The following ESCO1 variants were observed in gnomAD, a reference collection of about 807,000 sequenced individuals.
ESCO1 encodes establishment of sister chromatid cohesion N-acetyltransferase 1.
ESCO1 carries 33 observed loss-of-function variants against 83.5 expected under a neutral mutation model. The observed-to-expected ratio is 0.40, with a 90% CI of 0.30 to 0.53. ESCO1 has a LOEUF of 0.53. Ranked by LOEUF, ESCO1 falls within the 20% of genes least tolerant of loss-of-function variation. The pLI is 0.63. For synonymous variants in ESCO1, 332 were observed against 324.3 expected, an observed-to-expected ratio of 1.02 and a Z score of -0.25; for missense variants, 855 against 968.0, an observed-to-expected ratio of 0.88 and a Z score of 1.55.
At chr18:21,579,797 C>T (rs1324899674) in intron 2 of ESCO1, among the ~76,000 whole-genome samples, 1,875 of 10,550 alleles carry the variant, frequency 0.18, 75 homozygotes, top group African/African-American at 0.24. Context: ...CGCGCGCGCA[C>T]ACACACACAC....
At chr18:21,593,604 A>AGGGAGAGGGAGAGGGAGG (rs2038717038) in intron 1 of ESCO1, 2 of 94,602 alleles carry the variant, frequency 2.1e-5, no homozygotes, top group African/African-American at 7.9e-5. Flanking sequence ...CCGTAGGGAG[A>AGGGAGAGGGAGAGGGAGG]GGGAGAGGGA....
intron 4 of ESCO1, among the ~76,000 whole-genome samples, chr18:21,571,779 A>G (rs1040292199): frequency 2.6e-5 from 4 of 152,206 alleles, no homozygotes; most frequent in African/African-American, 9.6e-5. Context: ...ATCTCTGCAC[A>G]AAGCCACAAC....
At chr18:21,550,840 T>G (rs2038036034) in intron 8 of ESCO1, among the ~76,000 whole-genome samples, 1 of 151,960 alleles carries the variant, frequency 6.6e-6, no homozygotes, top group African/African-American at 2.4e-5. Flanking sequence ...TGGCCGGGCG[T>G]GGTGGCTCAC....
intron 1 of ESCO1, among the ~76,000 whole-genome samples, chr18:21,593,930 A>G (rs1244749225): frequency 6.6e-6 from 1 of 152,044 alleles, no homozygotes; most frequent in East Asian, 1.9e-4. Context: ...GCCAATATCT[A>G]GTCACTATAA....
intron 5 of ESCO1, 53 bp from the exon 6 acceptor site, chr18:21,566,259 C>T: frequency 6.7e-7 from 1 of 1,491,788 alleles, no homozygotes; most frequent in Non-Finnish European, 9.2e-7. Context: ...ACTAGTTTTC[C>T]ATCTAATGGA....
intron 4 of ESCO1, among the ~76,000 whole-genome samples, chr18:21,568,491 C>T (rs933244694): frequency 6.6e-6 from 1 of 152,024 alleles, no homozygotes. Flanking sequence ...TTCCAAGTTT[C>T]GTCTGTCTAG....
chr18:21,553,749 C>T (rs1302682404), intron 8 of ESCO1, among the ~76,000 whole-genome samples: 6 of 151,168 alleles, frequency 4.0e-5, no homozygotes, highest in East Asian at 2.0e-4. Context: ...CCCAGCTACT[C>T]GGGAGGCTGA....
At chr18:21,586,011 T>A (rs536285528) in intron 1 of ESCO1, among the ~76,000 whole-genome samples, 7 of 152,214 alleles carry the variant, frequency 4.6e-5, no homozygotes, top group Non-Finnish European at 1.0e-4. Context: ...GGATAATTCA[T>A]CACCTCAAAC....
chr18:21,550,129 G>C (rs2038027352), intron 8 of ESCO1, among the ~76,000 whole-genome samples: 1 of 152,176 alleles, frequency 6.6e-6, no homozygotes, highest in African/African-American at 2.4e-5. Flanking sequence ...TAAGTGAGCA[G>C]AGACCAGTAG....
chr18:21,562,259 C>T (rs979371229), intron 7 of ESCO1, among the ~76,000 whole-genome samples: 2 of 151,856 alleles, frequency 1.3e-5, no homozygotes, highest in Admixed American at 6.6e-5. Flanking sequence ...CTCTGGATCA[C>T]GAGGTCAGGA....
At chr18:21,588,237 C>G (rs973402512) in intron 1 of ESCO1, among the ~76,000 whole-genome samples, 1 of 151,766 alleles carries the variant, frequency 6.6e-6, no homozygotes, top group Non-Finnish European at 1.5e-5. Context: ...ATCAATGACA[C>G]AAAATAGACC....
At chr18:21,532,437 T>C (rs765681117) in intron 11 of ESCO1, 36 bp downstream of exon 11, 6 of 1,582,936 alleles carry the variant, frequency 3.8e-6, no homozygotes, top group Non-Finnish European at 5.2e-6. Context: ...AGTCCTAAAC[T>C]ACTAAAAATG....
intron 8 of ESCO1, among the ~76,000 whole-genome samples, chr18:21,552,386 T>C (rs867263953): frequency 5.3e-5 from 8 of 152,170 alleles, no homozygotes; most frequent in Non-Finnish European, 7.4e-5. Context: ...ATGCTGCTGT[T>C]CTTGTGACAG....
At chr18:21,545,572 CAAAAAA>C (rs766178068) in intron 8 of ESCO1, among the ~76,000 whole-genome samples, 14 of 93,452 alleles carry the variant, frequency 1.5e-4, no homozygotes, top group African/African-American at 5.6e-4. Context: ...GACACCGTCT[CAAAAAA>C]AAAAAAAAAA....
chr18:21,561,101 G>T lies in ESCO1; in HGVS notation c.1822-111C>A, dbSNP rs1038087382. 6 of 1,011,678 alleles carry T rather than the reference G, an allele frequency of 5.9e-6. No individual in the cohort carries two copies. In the African/African-American group the frequency reaches 8.4e-5, roughly 14 times the overall value. The allele number at this position is 1,011,678 out of a possible 1,614,324, so 62.7% of individuals were successfully genotyped here. ...AAAGTAAGAATTGTTTAATCTACATGAATAACATTCAATGTTAATTACTAA... is the reference window on the plus strand; with the variant it reads ...AAAGTAAGAATTGTTTAATCTACATTAATAACATTCAATGTTAATTACTAA... On this transcript the variant is annotated intron_variant, in intron 7 of 11. Coordinates refer to ENST00000269214, the MANE Select transcript of ESCO1 (RefSeq NM_052911.3).
At chr18:21,549,647 T>C (rs1479209062) in intron 8 of ESCO1, among the ~76,000 whole-genome samples, 1 of 152,142 alleles carries the variant, frequency 6.6e-6, no homozygotes, top group East Asian at 1.9e-4. Context: ...TGTATGTATT[T>C]GGGAGTTTTG....
intron 1 of ESCO1, among the ~76,000 whole-genome samples, chr18:21,585,396 G>C (rs1306150205): frequency 6.6e-6 from 1 of 151,970 alleles, no homozygotes; most frequent in Middle Eastern, 3.2e-3. Context: ...CCAGCCTATA[G>C]TTATCAAGTT....
At chr18:21,587,979 C>T (rs2038605820) in intron 1 of ESCO1, among the ~76,000 whole-genome samples, 2 of 151,862 alleles carry the variant, frequency 1.3e-5, no homozygotes, top group South Asian at 2.1e-4. Flanking sequence ...GTCCCAGCTA[C>T]TCAGGAGGCT....
At chr18:21,555,986 G>A (rs1327836275) in intron 8 of ESCO1, among the ~76,000 whole-genome samples, 9 of 152,054 alleles carry the variant, frequency 5.9e-5, no homozygotes, top group Admixed American at 5.9e-4. Flanking sequence ...TGGGCGCAGT[G>A]GATCACACCT....
Sources: gnomAD v4.1 joint callset for allele counts (sites outside exome capture counted in the v4.1 genomes callset) on GRCh38, gnomAD v4.1.1 for gene constraint, MANE v1.5 for transcripts, NCBI Gene and HGNC (gene_info 2026-07-23, HGNC 2026-07-21) for gene names.